TSGA10: variants seen among roughly 807,000 people sequenced by gnomAD.
The protein encoded by TSGA10 is testis specific 10.
A neutral mutation model predicts 96.6 loss-of-function variants in TSGA10; 43 were observed. That is an observed-to-expected ratio of 0.44 (90% CI 0.35 to 0.57). The LOEUF (loss-of-function observed/expected upper bound fraction) is 0.57, where lower values mean the gene tolerates loss of function less well. TSGA10 is among the 20% of genes least tolerant of loss of function. The probability of loss-of-function intolerance (pLI) is 0.01; values close to 1 mark genes in which losing one functional copy is unlikely to be tolerated. For synonymous variants in TSGA10, 229 were observed against 269.9 expected, an observed-to-expected ratio of 0.85 and a Z score of 1.48; for missense variants, 703 against 834.4, an observed-to-expected ratio of 0.84 and a Z score of 1.94.
At chr2:99,110,798 CTGACCAAATAAAAA>C (rs1574446263) in intron 5 of TSGA10, 38 bp downstream of exon 5, 1 of 437,364 alleles carries the variant, frequency 2.3e-6, no homozygotes, top group East Asian at 1.6e-4. Context: ...TTATAGCTTA[CTGACCAAATAAAAA>C]TGATTCCGTA....
rs750080070 is a variant in TSGA10 at position 99,071,810 on chromosome 2, C to T, written c.1003G>A (p.Glu335Lys). 6.2e-7 allele frequency: 1 copy of T among 1,614,062 alleles called. No homozygotes were observed. The highest frequency in any genetic ancestry group is 1.3e-5 in the African/African-American group (1 of 75,034). ...DVSRMRRQLD[E>K]TNDELAQIAR... Reference sequence around the variant, plus strand: ...ATCTGGGCCAGCTCATCATTTGTCTCATCCAATTGCCGACGCATTCTGGAA... The same window carrying T: ...ATCTGGGCCAGCTCATCATTTGTCTTATCCAATTGCCGACGCATTCTGGAA... The change falls in exon 14 of 21, where the codon GAG becomes AAG. Residue 335 changes from glutamate to lysine, a missense_variant. By Grantham distance (56) the Glu-to-Lys change is moderately conservative. This residue lies in a region of TSGA10 where 585 missense variants were observed against 656.8 expected (regional missense o/e 0.89). Coordinates refer to ENST00000393483, the MANE Select transcript of TSGA10 (RefSeq NM_025244.4).
At chr2:99,137,761 G>C (rs2093384640) in intron 1 of TSGA10, among the ~76,000 whole-genome samples, 1 of 152,070 alleles carries the variant, frequency 6.6e-6, no homozygotes, top group East Asian at 1.9e-4. Context: ...ATATAGAGAA[G>C]TGGATGGATT....
Position 99,104,072 on chromosome 2 carries a change from T to C in TSGA10, c.506A>G (p.Lys169Arg). 3 of 1,614,022 alleles carry C rather than the reference T, an allele frequency of 1.9e-6. No homozygotes were observed. Among genetic ancestry groups the C allele is most frequent in the Non-Finnish European group, 2.5e-6 (3 of 1,179,966 alleles). Residue 169 changes from lysine to arginine, a missense_variant, in exon 10 of 21, where the codon AAG (lysine) becomes AGG (arginine). Lys to Arg is a conservative substitution (Grantham distance 26). Transcript: ENST00000393483. ...MEQMSNMTLM[K>R]ETISTVEKEM... ...TTTTTCCACAGTGCTTATGGTTTCC[T>C]TCATCAAAGTCATATTTGACATTTG... is the stretch of plus-strand genomic sequence containing the variant.
At chr2:99,103,597 T>C (rs2091014732) in intron 10 of TSGA10, among the ~76,000 whole-genome samples, 1 of 152,234 alleles carries the variant, frequency 6.6e-6, no homozygotes, top group Non-Finnish European at 1.5e-5. Flanking sequence ...CTGCCAAACC[T>C]GTGCTTTGTG....
intron 14 of TSGA10, 121 bp from the exon 15 acceptor site, chr2:99,069,119 A>C: frequency 4.6e-6 from 2 of 436,682 alleles, no homozygotes; most frequent in Non-Finnish European, 8.1e-6. Flanking sequence ...TAATATATAA[A>C]CTCATATAAA....
chr2:99,091,644 A>G (rs2089356303), intron 10 of TSGA10, among the ~76,000 whole-genome samples: 1 of 152,160 alleles, frequency 6.6e-6, no homozygotes. Context: ...AAAGCAAGCA[A>G]GAGTAGCTAT....
intron 10 of TSGA10, among the ~76,000 whole-genome samples, chr2:99,084,341 T>C (rs1376767772): frequency 6.6e-6 from 1 of 152,156 alleles, no homozygotes; most frequent in East Asian, 1.9e-4. Flanking sequence ...CGGGGGCAGG[T>C]CCCTCATGAA....
At chr2:99,077,990 G>A (rs903603135) in intron 12 of TSGA10, among the ~76,000 whole-genome samples, 3 of 151,816 alleles carry the variant, frequency 2.0e-5, no homozygotes, top group Admixed American at 2.0e-4. Flanking sequence ...GTGCTCCTAG[G>A]GCAGGGTGCA....
intron 2 of TSGA10, among the ~76,000 whole-genome samples, chr2:99,120,976 C>A (rs977274352): frequency 6.6e-6 from 1 of 152,142 alleles, no homozygotes; most frequent in Non-Finnish European, 1.5e-5. Context: ...TTTAGATCCA[C>A]GCAAGTTGTT....
intron 10 of TSGA10, among the ~76,000 whole-genome samples, chr2:99,088,560 T>C (rs1161388415): frequency 6.6e-6 from 1 of 152,164 alleles, no homozygotes; most frequent in Non-Finnish European, 1.5e-5. Flanking sequence ...CTGAAAGGCC[T>C]GATTTAAAAG....
chr2:99,015,490 C>T (rs1017176021), intron 20 of TSGA10, among the ~76,000 whole-genome samples: 1 of 151,892 alleles, frequency 6.6e-6, no homozygotes, highest in African/African-American at 2.4e-5. Flanking sequence ...GGGACACACA[C>T]TTCACATAGA....
chr2:99,063,191 G>T (rs1435296604), intron 16 of TSGA10, among the ~76,000 whole-genome samples: 1 of 152,136 alleles, frequency 6.6e-6, no homozygotes, highest in East Asian at 1.9e-4. Flanking sequence ...ACTTCGAACT[G>T]CACAAAATCA....
At chr2:99,118,499 ATGTG>A (rs2092401230) in intron 3 of TSGA10, 48 bp downstream of exon 3, 1 of 655,414 alleles carries the variant, frequency 1.5e-6, no homozygotes, top group Non-Finnish European at 1.9e-6. Context: ...ACGTATATAT[ATGTG>A]TATTATTAAC....
chr2:99,113,502 T>C (rs191621087), intron 4 of TSGA10, among the ~76,000 whole-genome samples: 45 of 152,288 alleles, frequency 3.0e-4, no homozygotes, highest in African/African-American at 9.6e-4. Context: ...ATCTTAGAAG[T>C]AGATCCTCCA....
At chr2:99,019,525 G>C (rs545651687) in intron 18 of TSGA10, among the ~76,000 whole-genome samples, 1 of 152,290 alleles carries the variant, frequency 6.6e-6, no homozygotes, top group African/African-American at 2.4e-5. Flanking sequence ...TGGCTCTGAA[G>C]CCCTTGCCTA....
At chr2:99,056,907 A>G (rs532536696) in intron 16 of TSGA10, among the ~76,000 whole-genome samples, 1 of 151,520 alleles carries the variant, frequency 6.6e-6, no homozygotes, top group South Asian at 2.1e-4. Context: ...CTAAAAATGC[A>G]AAGTTGGCTT....
rs575060441 is a variant in TSGA10 at position 99,026,596 on chromosome 2, A to AT, written c.1615-6115dup. On this transcript the variant is annotated intron_variant, in intron 17 of 20. Transcript: ENST00000393483. ...CACCACGCCTGGCTAATTTTTTTGT[A>AT]TTTTTTTTAGTAGAGACAGGGTTTC... is the stretch of plus-strand genomic sequence containing the variant. Among the ~76,000 whole-genome samples the AT allele has an allele frequency of 7.8e-3, 1,172 of 150,958 alleles. 10 individuals are homozygous for AT. Among genetic ancestry groups the AT allele is most frequent in the Non-Finnish European group, 0.012 (819 of 67,634 alleles).
Position 99,035,403 on chromosome 2 carries a change from A to T in TSGA10, c.1441T>A (p.Ser481Thr). 2 of 1,612,498 alleles carry T rather than the reference A, an allele frequency of 1.2e-6. No individual in the cohort carries two copies. The highest frequency in any genetic ancestry group is 2.2e-5 in the South Asian group (2 of 90,822). Residue 481 changes from serine (S) to threonine (T), a missense_variant, in exon 17 of 21, where the codon TCT becomes ACT. Physicochemically the swap from Ser to Thr is moderately conservative, Grantham distance 58. Around this residue, in one of 3 missense-constraint regions of TSGA10, gnomAD observed 585 missense variants for 656.8 expected, o/e 0.89. Transcript: ENST00000393483. ...TTTACAACAGATTTATGTAAGGTAG[A>T]AATCTGGGACTTGTAAGACCTTTCT... is the stretch of plus-strand genomic sequence containing the variant. ...NAERSYKSQI[S>T]TLHKSVVKME...
chr2:99,029,187 A>C (rs773998267), intron 17 of TSGA10, among the ~76,000 whole-genome samples: 33 of 152,168 alleles, frequency 2.2e-4, no homozygotes, highest in Non-Finnish European at 4.1e-4. Flanking sequence ...GCTTCCTTCA[A>C]AAATTATATG....
Sources: gnomAD v4.1 joint callset for allele counts (sites outside exome capture counted in the v4.1 genomes callset) on GRCh38, gnomAD v4.1.1 for gene constraint, gnomAD v4.1.1 regional missense constraint, MANE v1.5 for transcripts, NCBI Gene and HGNC (gene_info 2026-07-23, HGNC 2026-07-21) for gene names.